Variants in CNTN4 observed in about 807,000 individuals in gnomAD.
The protein encoded by CNTN4 is contactin-4.
In CNTN4, 77 loss-of-function variants were observed where a neutral mutation model predicts 122.5. That is an observed-to-expected ratio of 0.63 (90% confidence interval 0.52 to 0.76). The LOEUF (loss-of-function observed/expected upper bound fraction) is 0.76. Among genes scored for constraint, CNTN4 ranks in the 30% least tolerant of loss-of-function variants. The pLI is 0.00. For synonymous variants in CNTN4, 512 were observed against 447.0 expected (o/e 1.15, Z -1.83); for missense variants, 1,256 against 1,259.1 (o/e 1.00, Z 0.04).
chr3:2,799,551 C>T (rs2092294322), intron 6 of CNTN4, among the ~76,000 whole-genome samples: 1 of 151,962 alleles, frequency 6.6e-6, no homozygotes, highest in African/African-American at 2.4e-5. Flanking sequence ...CAACCTCTGC[C>T]TCCGGGGTTC....
At chr3:2,817,144 T>C (rs1032211282) in intron 6 of CNTN4, among the ~76,000 whole-genome samples, 1 of 152,248 alleles carries the variant, frequency 6.6e-6, no homozygotes, top group Non-Finnish European at 1.5e-5. Context: ...TGCTCTAGTG[T>C]GCGTTTGCTA....
chr3:2,500,376 C>T (rs1175055734), intron 3 of CNTN4, among the ~76,000 whole-genome samples: 1 of 150,128 alleles, frequency 6.7e-6, no homozygotes, highest in East Asian at 2.0e-4. Flanking sequence ...ATTTTAGCTT[C>T]TAAGATCATC....
At chr3:2,242,715 A>G (rs1451792125) in intron 2 of CNTN4, among the ~76,000 whole-genome samples, 1 of 152,104 alleles carries the variant, frequency 6.6e-6, no homozygotes, top group Admixed American at 6.6e-5. Flanking sequence ...TGGACATTTC[A>G]CCCTTCCGCA....
intron 4 of CNTN4, among the ~76,000 whole-genome samples, chr3:2,699,289 T>C (rs918674641): frequency 3.9e-5 from 6 of 152,168 alleles, no homozygotes; most frequent in Non-Finnish European, 8.8e-5. Flanking sequence ...GTTTTTGTGA[T>C]GGTTTCACAT....
intron 3 of CNTN4, among the ~76,000 whole-genome samples, chr3:2,553,412 C>T (rs768668494): frequency 3.1e-4 from 47 of 152,270 alleles, no homozygotes; most frequent in Non-Finnish European, 5.9e-4. Context: ...ATGTAAGATG[C>T]ATTTGGGCCT....
Position 2,665,043 on chromosome 3 carries a change from G to A in CNTN4, c.56-71172G>A, listed in dbSNP as rs1202054316. Among the ~76,000 whole-genome samples the A allele has an allele frequency of 2.6e-5, 4 of 152,100 alleles. No individual in the cohort carries two copies. In the East Asian group the frequency reaches 5.8e-4, roughly 22 times the overall value. On this transcript the variant is annotated intron_variant, in intron 4 of 24. Coordinates refer to ENST00000418658, the MANE Select transcript of CNTN4 (RefSeq NM_175607.3). ...TAACATCAAAACAAGGGCTCTCTCC[G>A]GGACACCTAGTTGTATTTCATCTCT...
chr3:2,540,284 C>T (rs774032419), intron 3 of CNTN4, among the ~76,000 whole-genome samples: 6 of 151,816 alleles, frequency 4.0e-5, no homozygotes, highest in Non-Finnish European at 7.4e-5. Context: ...AACAGGCACC[C>T]AAGGTTTGGT....
chr3:2,365,878 A>G (rs2045357321), intron 3 of CNTN4, among the ~76,000 whole-genome samples: 1 of 152,208 alleles, frequency 6.6e-6, no homozygotes, highest in East Asian at 1.9e-4. Flanking sequence ...GGTTTGATGA[A>G]AAGAGGGTAA....
At chr3:2,965,301 C>T (rs1475591861) in intron 13 of CNTN4, among the ~76,000 whole-genome samples, 1 of 152,156 alleles carries the variant, frequency 6.6e-6, no homozygotes, top group Non-Finnish European at 1.5e-5. Context: ...TTGTTTTGTG[C>T]TCCTCCTGGC....
chr3:2,892,771 G>A (rs2151061796), intron 10 of CNTN4, among the ~76,000 whole-genome samples: 1 of 152,282 alleles, frequency 6.6e-6, no homozygotes, highest in Non-Finnish European at 1.5e-5. Context: ...TAATATTTGA[G>A]CAGTAAACAA....
intron 13 of CNTN4, among the ~76,000 whole-genome samples, chr3:2,983,240 A>C (rs1267567209): frequency 2.7e-5 from 4 of 145,818 alleles, no homozygotes; most frequent in East Asian, 2.0e-4. Context: ...AAAAAAAAAA[A>C]AAAAAAAAAA....
At chr3:2,881,822 C>T (rs2093914264) in intron 8 of CNTN4, among the ~76,000 whole-genome samples, 1 of 151,976 alleles carries the variant, frequency 6.6e-6, no homozygotes, top group South Asian at 2.1e-4. Flanking sequence ...TTGCACCTGT[C>T]CCCCATCCAT....
intron 7 of CNTN4, among the ~76,000 whole-genome samples, chr3:2,828,416 A>T (rs1200489824): frequency 1.3e-5 from 2 of 152,212 alleles, no homozygotes; most frequent in Non-Finnish European, 2.9e-5. Context: ...GTAATAAGGC[A>T]AAATGTAGGA....
At chr3:2,427,973 G>C (rs569153760) in intron 3 of CNTN4, among the ~76,000 whole-genome samples, 2 of 151,782 alleles carry the variant, frequency 1.3e-5, no homozygotes, top group African/African-American at 4.9e-5. Context: ...GTCTCTTCAC[G>C]TGAGATGGGT....
chr3:2,294,843 A>G (rs1403519337), intron 2 of CNTN4, among the ~76,000 whole-genome samples: 1 of 151,652 alleles, frequency 6.6e-6, no homozygotes, highest in Non-Finnish European at 1.5e-5. Context: ...CAACCCCACA[A>G]CAGTCCCCGG....
intron 10 of CNTN4, among the ~76,000 whole-genome samples, chr3:2,891,790 C>T (rs1370271729): frequency 6.6e-6 from 1 of 152,162 alleles, no homozygotes; most frequent in Non-Finnish European, 1.5e-5. Flanking sequence ...GTTTTATTCT[C>T]TGAGTAAAAT....
chr3:2,767,090 A>G (rs1336078027), intron 6 of CNTN4, among the ~76,000 whole-genome samples: 4 of 152,208 alleles, frequency 2.6e-5, no homozygotes, highest in African/African-American at 9.6e-5. Flanking sequence ...TAGTTTTTTT[A>G]TTAGATCTCA....
intron 2 of CNTN4, among the ~76,000 whole-genome samples, chr3:2,270,983 T>A (rs1052009278): frequency 2.0e-5 from 3 of 152,160 alleles, no homozygotes; most frequent in Non-Finnish European, 4.4e-5. Context: ...TGTTTTTCTT[T>A]GTATAAATCT....
At chr3:2,730,693 T>C (rs1466378961) in intron 4 of CNTN4, among the ~76,000 whole-genome samples, 1 of 152,220 alleles carries the variant, frequency 6.6e-6, no homozygotes, top group Non-Finnish European at 1.5e-5. Flanking sequence ...GGAATCCAGA[T>C]TTTGTTCTGT....
Sources: allele counts gnomAD v4.1 joint callset (sites outside exome capture counted in the v4.1 genomes callset), GRCh38; gene constraint gnomAD v4.1.1; transcripts MANE v1.5; gene names NCBI Gene and HGNC (gene_info 2026-07-23, HGNC 2026-07-21).